The following ERC2 variants were observed in gnomAD, a reference collection of about 807,000 sequenced individuals.
ERC2 encodes ERC protein 2.
Under a neutral mutation model 114.8 loss-of-function variants are expected in ERC2, and 42 were observed. The ratio of observed to expected loss-of-function variants is 0.37; its 90% confidence interval spans 0.29 to 0.47. The LOEUF (loss-of-function observed/expected upper bound fraction) is 0.47, where lower values mean the gene tolerates loss of function less well. ERC2 is among the 20% of genes least tolerant of loss of function. The probability of loss-of-function intolerance (pLI) is 0.99; values close to 1 mark genes in which losing one functional copy is unlikely to be tolerated. For missense variants in ERC2, 939 were observed against 1,150.7 expected (o/e 0.82, Z 2.66); for synonymous variants, 454 against 425.5 (o/e 1.07, Z -0.82).
At chr3:55,725,616 C>T (rs1397888438) in intron 15 of ERC2, among the ~76,000 whole-genome samples, 1 of 152,086 alleles carries the variant, frequency 6.6e-6, no homozygotes, top group Non-Finnish European at 1.5e-5. Context: ...AAATCAACAC[C>T]TCCTATAGCC....
chr3:56,136,455 G>A (rs1250867500), intron 6 of ERC2, among the ~76,000 whole-genome samples: 2 of 151,810 alleles, frequency 1.3e-5, no homozygotes, highest in Non-Finnish European at 2.9e-5. Flanking sequence ...TTAGGTTCAC[G>A]GATACATGTG....
chr3:56,079,281 C>T (rs1174710462), intron 7 of ERC2, among the ~76,000 whole-genome samples: 1 of 152,016 alleles, frequency 6.6e-6, no homozygotes, highest in African/African-American at 2.4e-5. Flanking sequence ...ATAAGTCTTC[C>T]AGATCTGATG....
chr3:56,011,197 G>A (rs2072906627), intron 8 of ERC2, among the ~76,000 whole-genome samples: 2 of 152,180 alleles, frequency 1.3e-5, no homozygotes, highest in African/African-American at 4.8e-5. Flanking sequence ...TTTTTTCAGT[G>A]GTTTCTTGAT....
chr3:56,172,082 G>C (rs1257108329), intron 4 of ERC2, among the ~76,000 whole-genome samples: 1 of 148,762 alleles, frequency 6.7e-6, no homozygotes, highest in African/African-American at 2.5e-5. Context: ...ATTCCAATGT[G>C]AAGTGAGGAT....
intron 3 of ERC2, among the ~76,000 whole-genome samples, chr3:56,228,841 C>A (rs1029638251): frequency 2.0e-5 from 3 of 152,062 alleles, no homozygotes; most frequent in African/African-American, 7.2e-5. Flanking sequence ...ACAAAAATAT[C>A]CCCCAAAATA....
intron 6 of ERC2, among the ~76,000 whole-genome samples, chr3:56,084,777 G>A (rs1248056932): frequency 1.3e-5 from 2 of 151,106 alleles, no homozygotes; most frequent in Non-Finnish European, 2.9e-5. Context: ...CAGGTGATGC[G>A]TACACTGAAA....
intron 2 of ERC2, among the ~76,000 whole-genome samples, chr3:56,406,314 T>C (rs529881382): frequency 1.3e-5 from 2 of 152,222 alleles, no homozygotes; most frequent in East Asian, 3.9e-4. Flanking sequence ...GCTGTGTCCA[T>C]CTCACCGAAA....
At chr3:56,160,954 G>A (rs1314538569) in intron 4 of ERC2, among the ~76,000 whole-genome samples, 1 of 152,080 alleles carries the variant, frequency 6.6e-6, no homozygotes, top group Non-Finnish European at 1.5e-5. Context: ...TTGCTTATAT[G>A]GTTTGGATGT....
chr3:56,272,637 G>A (rs2053728407), intron 3 of ERC2, among the ~76,000 whole-genome samples: 2 of 152,238 alleles, frequency 1.3e-5, no homozygotes, highest in South Asian at 4.1e-4. Flanking sequence ...AGGCGGGGTA[G>A]TGCATGCCTG....
At chr3:55,832,324 T>C (rs1430032947) in intron 14 of ERC2, among the ~76,000 whole-genome samples, 1 of 152,248 alleles carries the variant, frequency 6.6e-6, no homozygotes. Context: ...CCCTGACCCC[T>C]GACCCCTGAG....
intron 7 of ERC2, among the ~76,000 whole-genome samples, chr3:56,040,741 TATAG>T (rs1007274336): frequency 1.3e-4 from 18 of 143,176 alleles, no homozygotes; most frequent in South Asian, 4.4e-4. Context: ...TCTCTATATA[TATAG>T]AGAGAGATAT....
chr3:55,569,135 C>T (rs1195414267), intron 17 of ERC2, among the ~76,000 whole-genome samples: 1 of 152,194 alleles, frequency 6.6e-6, no homozygotes, highest in Non-Finnish European at 1.5e-5. Context: ...TTTGAACCCA[C>T]TTCAAGGAAA....
chr3:55,669,105 T>A (rs1033840759), intron 17 of ERC2, among the ~76,000 whole-genome samples: 1 of 152,218 alleles, frequency 6.6e-6, no homozygotes, highest in African/African-American at 2.4e-5. Context: ...GAGGAGACAT[T>A]CCTTTGGCCT....
At chr3:55,821,721 T>C (rs1022665434) in intron 14 of ERC2, among the ~76,000 whole-genome samples, 1 of 152,214 alleles carries the variant, frequency 6.6e-6, no homozygotes, top group Non-Finnish European at 1.5e-5. Context: ...TATGAACAGC[T>C]ATGACTCCAT....
chr3:55,838,610 T>C (rs2061000397), intron 14 of ERC2, among the ~76,000 whole-genome samples: 1 of 151,868 alleles, frequency 6.6e-6, no homozygotes. Context: ...GAAAGGTCTA[T>C]CAATCAAATT....
Position 56,424,950 on chromosome 3 carries a change from C to A in ERC2, c.657+9401G>T, listed in dbSNP as rs183883444. ...CTCGGAATTAAAATGAAACACCTTA[C>A]ACACAGACGCAACATATGATTGACT... On this transcript the variant is annotated intron_variant, in intron 2 of 17. Transcript: ENST00000288221. 3.9e-5 allele frequency among the ~76,000 whole-genome samples: 6 copies of A among 152,284 alleles called. No homozygotes were observed. The East Asian group carries it at 1.2e-3, about 29-fold the overall frequency.
chr3:55,598,008 T>C (rs1257637904), intron 17 of ERC2, among the ~76,000 whole-genome samples: 1 of 152,218 alleles, frequency 6.6e-6, no homozygotes, highest in East Asian at 1.9e-4. Flanking sequence ...AGCCACATCT[T>C]GCTAACGACA....
chr3:55,511,640 C>G (rs535397223), intron 17 of ERC2, among the ~76,000 whole-genome samples: 1 of 152,282 alleles, frequency 6.6e-6, no homozygotes, highest in African/African-American at 2.4e-5. Flanking sequence ...TCTCTCTACG[C>G]TTTTCTACAA....
intron 7 of ERC2, among the ~76,000 whole-genome samples, chr3:56,062,843 C>T (rs1055915642): frequency 1.3e-5 from 2 of 152,154 alleles, no homozygotes; most frequent in African/African-American, 4.8e-5. Flanking sequence ...TTCTGGCTCT[C>T]AGACTAGAAA....
Sources: gnomAD v4.1 joint callset for allele counts (sites outside exome capture counted in the v4.1 genomes callset) on GRCh38, gnomAD v4.1.1 for gene constraint, MANE v1.5 for transcripts, NCBI Gene and HGNC (gene_info 2026-07-23, HGNC 2026-07-21) for gene names.